The following BHLHA15 variants were observed in gnomAD, a reference collection of about 807,000 sequenced individuals.
The protein encoded by BHLHA15 is basic helix-loop-helix family member a15.
A neutral mutation model predicts 10.4 loss-of-function variants in BHLHA15; 7 were observed. That is an observed-to-expected ratio of 0.67 (90% CI 0.38 to 1.26). The LOEUF (loss-of-function observed/expected upper bound fraction) is 1.26. Among genes scored for constraint, BHLHA15 ranks in the 50% most tolerant of loss-of-function variants. The probability of loss-of-function intolerance (pLI) is 0.02; values close to 1 mark genes in which losing one functional copy is unlikely to be tolerated. For missense variants in BHLHA15, 289 were observed against 287.4 expected (o/e 1.01, Z -0.04); for synonymous variants, 140 against 131.5 (o/e 1.06, Z -0.44).
rs991846037 is a variant in BHLHA15, at chr7:98,213,002, G to C, written c.*123G>C. ...CACCCCACAAGGACACGGCCTCAGC[G>C]GTTCCATTTTCCCCCGAACATTCAG... On this transcript the variant is annotated 3_prime_UTR_variant, in exon 2 of 2. Coordinates refer to ENST00000609256, the MANE Select transcript of BHLHA15 (RefSeq NM_177455.4). 1 of 932,424 alleles carries C rather than the reference G, an allele frequency of 1.1e-6. No individual in the cohort carries two copies. Among genetic ancestry groups the C allele is most frequent in the African/African-American group, 1.7e-5 (1 of 58,922 alleles). 57.8% of individuals were successfully genotyped at this position (932,424 alleles called of 1,614,324 possible). A position where few individuals can be genotyped will look rare whatever the true frequency, so the allele number is the denominator to read the frequency against.
chr7:98,212,941 A>G lies in BHLHA15; in HGVS notation c.*62A>G. 1.4e-6 allele frequency: 2 copies of G among 1,440,864 alleles called. No individual in the cohort carries two copies. 89.3% of individuals were successfully genotyped at this position (1,440,864 alleles called of 1,614,324 possible). ...TGCCTGGCCTGCTCCTCCCAGCCCC[A>G]GTCCCTCCAAGCCACGAGCCCCAGA... On this transcript the variant is annotated 3_prime_UTR_variant, in exon 2 of 2. Transcript: ENST00000609256.
rs746181529 is a variant in BHLHA15, at chr7:98,212,341, G to A, written c.32G>A (p.Arg11Gln). The stretch of plus-strand genomic sequence containing the variant: ...ACCAAGAACCGGCCCCCACGGCGCC[G>A]GGCCCCGGTGCAGGACACAGAGGCC... Reference protein sequence around the residue: MKTKNRPPRRRAPVQDTEATP... With the variant: MKTKNRPPRRQAPVQDTEATP... Residue 11 changes from arginine (R) to glutamine (Q), a missense_variant, in exon 2 of 2, where the codon CGG becomes CAG. Transcript: ENST00000609256. The A allele has an allele frequency of 7.1e-5, 98 of 1,380,766 alleles. No homozygotes were observed. The highest frequency in any genetic ancestry group is 8.2e-5 in the Non-Finnish European group (87 of 1,066,318). 85.5% of individuals were successfully genotyped at this position (1,380,766 alleles called of 1,614,324 possible). A position where few individuals can be genotyped will look rare whatever the true frequency, so the allele number is the denominator to read the frequency against.
rs759823502 is a variant in BHLHA15, at chr7:98,212,653, A to G, written c.344A>G (p.Glu115Gly). 6.3e-7 allele frequency: 1 copy of G among 1,597,500 alleles called. No homozygotes were observed. Among genetic ancestry groups the G allele is most frequent in the Non-Finnish European group, 8.5e-7 (1 of 1,173,398 alleles). Reference protein sequence around the residue: ...VRADKKLSKIETLTLAKNYIK... With the variant: ...VRADKKLSKIGTLTLAKNYIK... The stretch of plus-strand genomic sequence containing the variant: ...GCGGACAAGAAGCTCTCCAAGATCG[A>G]GACGCTCACGCTGGCCAAGAACTAC... Residue 115 changes from glutamate to glycine, a missense_variant, in exon 2 of 2, where the codon GAG becomes GGG. Physicochemically the swap from Glu to Gly is moderately conservative, Grantham distance 98. Coordinates refer to ENST00000609256, the MANE Select transcript of BHLHA15 (RefSeq NM_177455.4).
Position 98,212,768 on chromosome 7 carries a change from CCAGCAGCAG to C in BHLHA15, c.466_474del (p.Gln156_Gln158del). 6.4e-7 allele frequency: 1 copy of C among 1,550,536 alleles called. No individual in the cohort carries two copies. Among genetic ancestry groups the C allele is most frequent in the Non-Finnish European group, 8.7e-7 (1 of 1,148,494 alleles). On this transcript the variant is annotated inframe_deletion, in exon 2 of 2. Transcript: ENST00000609256. ...CGGGCCCCAAGCTCTACCAGCACTA[CCAGCAGCAG>C]CAGCAGGTGGCTGGGGGTGCGTTGG...
At position 98,212,664 on chromosome 7, in the gene BHLHA15, C is replaced by G; in HGVS notation, c.355C>G (p.Leu119Val). 1.9e-6 allele frequency: 3 copies of G among 1,590,036 alleles called. No homozygotes were observed. Among genetic ancestry groups the G allele is most frequent in the Non-Finnish European group, 2.6e-6 (3 of 1,169,644 alleles). Residue 119 changes from leucine to valine, a missense_variant, in exon 2 of 2, where the codon CTG becomes GTG. By Grantham distance (32) the Leu-to-Val change is conservative (BLOSUM62 1). Coordinates refer to ENST00000609256, the MANE Select transcript of BHLHA15 (RefSeq NM_177455.4). Reference sequence around the variant, plus strand: ...GCTCTCCAAGATCGAGACGCTCACGCTGGCCAAGAACTACATCAAATCGCT... The same window carrying G: ...GCTCTCCAAGATCGAGACGCTCACGGTGGCCAAGAACTACATCAAATCGCT... ...KKLSKIETLT[L>V]AKNYIKSLTA...
In BHLHA15 at chr7:98,212,452, C is replaced by T; in HGVS notation, c.143C>T (p.Ala48Val). 6.5e-7 allele frequency: 1 copy of T among 1,535,856 alleles called. No individual in the cohort carries two copies. The highest frequency in any genetic ancestry group is 8.8e-7 in the Non-Finnish European group (1 of 1,140,974). Reference protein sequence around the residue: ...AKGLRSRPARAAARAPGEGRR... With the variant: ...AKGLRSRPARVAARAPGEGRR... ...GGTCTGCGGAGCCGGCCGGCCCGGG[C>T]CGCAGCAAGGGCTCCGGGCGAGGGC... is the stretch of plus-strand genomic sequence containing the variant. The change falls in exon 2 of 2, where the codon GCC becomes GTC. Residue 48 changes from alanine (A) to valine (V), a missense_variant. Transcript: ENST00000609256.
chr7:98,212,621 C>G lies in BHLHA15; in HGVS notation c.312C>G (p.His104Gln). ...AGGCCCTGCGTGAAGTCATCCCCCACGTGCGCGCGGACAAGAAGCTCTCCA... is the reference window on the plus strand; with the variant it reads ...AGGCCCTGCGTGAAGTCATCCCCCAGGTGCGCGCGGACAAGAAGCTCTCCA... Reference protein sequence around the residue: ...AFQALREVIPHVRADKKLSKI... With the variant: ...AFQALREVIPQVRADKKLSKI... The change falls in exon 2 of 2, where the codon CAC becomes CAG. Residue 104 changes from histidine (H) to glutamine (Q), a missense_variant. Coordinates refer to ENST00000609256, the MANE Select transcript of BHLHA15 (RefSeq NM_177455.4). 1.2e-6 allele frequency: 2 copies of G among 1,606,754 alleles called. No homozygotes were observed. Among genetic ancestry groups the G allele is most frequent in the Non-Finnish European group, 1.7e-6 (2 of 1,177,672 alleles).
In BHLHA15 at chr7:98,214,471, G is replaced by A. The variant is rs1797955428; in HGVS notation, c.*1592G>A. On this transcript the variant is annotated 3_prime_UTR_variant, in exon 2 of 2. Coordinates refer to ENST00000609256, the MANE Select transcript of BHLHA15 (RefSeq NM_177455.4). ...TCAGGGTGATCCACAACTGTGAGCT[G>A]AGGTTGGATGCAGCTGGGAGCTTGG... Among the ~76,000 whole-genome samples the A allele has an allele frequency of 6.6e-6, 1 of 152,190 alleles. No individual in the cohort carries two copies. Among genetic ancestry groups the A allele is most frequent in the South Asian group, 2.1e-4 (1 of 4,834 alleles).
chr7:98,212,359 C>G lies in BHLHA15; in HGVS notation c.50C>G (p.Thr17Arg). The G allele has an allele frequency of 1.4e-6, 2 of 1,420,976 alleles. No individual in the cohort carries two copies. The highest frequency in any genetic ancestry group is 1.5e-5 in the African/African-American group (1 of 66,176). The allele number at this position is 1,420,976 out of a possible 1,614,324, so 88.0% of individuals were successfully genotyped here. Reference sequence around the variant, plus strand: ...CGGCGCCGGGCCCCGGTGCAGGACACAGAGGCCACCCCCGGGGAGGGGACG... The same window carrying G: ...CGGCGCCGGGCCCCGGTGCAGGACAGAGAGGCCACCCCCGGGGAGGGGACG... ...PPRRRAPVQD[T>R]EATPGEGTPD... The change falls in exon 2 of 2, where the codon ACA becomes AGA. Residue 17 changes from threonine to arginine, a missense_variant. Coordinates refer to ENST00000609256, the MANE Select transcript of BHLHA15 (RefSeq NM_177455.4).
chr7:98,212,767 A>C lies in BHLHA15; in HGVS notation c.458A>C (p.Tyr153Ser). ...CCGGGCCCCAAGCTCTACCAGCACT[A>C]CCAGCAGCAGCAGCAGGTGGCTGGG... ...EGPGPKLYQH[Y>S]QQQQQVAGGA... The change falls in exon 2 of 2, where the codon TAC becomes TCC. Residue 153 changes from tyrosine (Y) to serine (S), a missense_variant. Coordinates refer to ENST00000609256, the MANE Select transcript of BHLHA15 (RefSeq NM_177455.4). The C allele has an allele frequency of 6.4e-7, 1 of 1,551,406 alleles. No individual in the cohort carries two copies. Among genetic ancestry groups the C allele is most frequent in the Non-Finnish European group, 8.7e-7 (1 of 1,148,862 alleles).
rs747529942 is a variant in BHLHA15 at position 98,212,368 on chromosome 7, C to A, written c.59C>A (p.Thr20Asn). ...GCCCCGGTGCAGGACACAGAGGCCA[C>A]CCCCGGGGAGGGGACGCCCGACGGG... ...RRAPVQDTEA[T>N]PGEGTPDGSL... The change falls in exon 2 of 2, where the codon ACC becomes AAC. Residue 20 changes from threonine to asparagine, a missense_variant. Thr to Asn is a moderately conservative substitution (Grantham distance 65). Coordinates refer to ENST00000609256, the MANE Select transcript of BHLHA15 (RefSeq NM_177455.4). 13 of 1,430,034 alleles carry A rather than the reference C, an allele frequency of 9.1e-6. No homozygotes were observed. In the South Asian group the frequency reaches 1.2e-4, roughly 13 times the overall value. 88.6% of individuals were successfully genotyped at this position (1,430,034 alleles called of 1,614,324 possible).
chr7:98,211,809 G>T (rs541635085), intron 1 of BHLHA15, among the ~76,000 whole-genome samples: 61 of 152,296 alleles, frequency 4.0e-4, no homozygotes, highest in Admixed American at 3.3e-3. Flanking sequence ...AGCGGGGCAG[G>T]ACAGTGAGAG....
Position 98,213,139 on chromosome 7 carries a change from T to C in BHLHA15, c.*260T>C, listed in dbSNP as rs1797935689. Among the ~76,000 whole-genome samples, 1 of 152,206 alleles carries C rather than the reference T, an allele frequency of 6.6e-6. No homozygotes were observed. The highest frequency in any genetic ancestry group is 2.4e-5 in the African/African-American group (1 of 41,462). ...CCCAAACCTCTAGGTAGGGCCCAGT[T>C]GGATCCTGATTTTTCATTGAGCCAG... On this transcript the variant is annotated 3_prime_UTR_variant, in exon 2 of 2. Coordinates refer to ENST00000609256, the MANE Select transcript of BHLHA15 (RefSeq NM_177455.4).
Position 98,212,721 on chromosome 7 carries a change from C to G in BHLHA15, c.412C>G (p.Arg138Gly), listed in dbSNP as rs1336032129. The change falls in exon 2 of 2, where the codon CGC becomes GGC. Residue 138 changes from arginine to glycine, a missense_variant. Physicochemically the swap from Arg to Gly is moderately radical, Grantham distance 125 (BLOSUM62 -2). Coordinates refer to ENST00000609256, the MANE Select transcript of BHLHA15 (RefSeq NM_177455.4). ...TATILTMSSS[R>G]LPGLEGPGPK... ...CACCATCCTGACCATGTCCAGCAGC[C>G]GCCTCCCAGGCCTGGAGGGGCCGGG... 2 of 1,561,506 alleles carry G rather than the reference C, an allele frequency of 1.3e-6. No homozygotes were observed. The highest frequency in any genetic ancestry group is 1.7e-6 in the Non-Finnish European group (2 of 1,153,346).
rs1797968517 is a variant in BHLHA15 at position 98,214,979 on chromosome 7, CGAG to C, written c.*2107_*2109del. 6.6e-6 allele frequency: 1 copy of C among 152,418 alleles called. No individual in the cohort carries two copies. The highest frequency in any genetic ancestry group is 2.1e-4 in the South Asian group (1 of 4,834). The allele number at this position is 152,418 out of a possible 1,614,324, so 9.4% of individuals were successfully genotyped here. ...TCTCGCTTCAGGGTGTCCAGTGTTT[CGAG>C]GAGGAGAGGGGACAGGGGCCAGGTC... On this transcript the variant is annotated 3_prime_UTR_variant, in exon 2 of 2. Coordinates refer to ENST00000609256, the MANE Select transcript of BHLHA15 (RefSeq NM_177455.4).
chr7:98,214,390 C>T lies in BHLHA15; in HGVS notation c.*1511C>T, dbSNP rs117889288. The stretch of plus-strand genomic sequence containing the variant: ...GCCCCAGCTGTCCTTCAGCACAGCT[C>T]GGGGTGGGGACTCCAGGATGCTGGG... On this transcript the variant is annotated 3_prime_UTR_variant, in exon 2 of 2. Coordinates refer to ENST00000609256, the MANE Select transcript of BHLHA15 (RefSeq NM_177455.4). Among the ~76,000 whole-genome samples, 559 of 152,344 alleles carry T rather than the reference C, an allele frequency of 3.7e-3. 3 individuals are homozygous for T. The highest frequency in any genetic ancestry group is 6.5e-3 in the Non-Finnish European group (444 of 68,032).
At position 98,212,222 on chromosome 7, in the gene BHLHA15, G is replaced by A. The variant is rs1260454169; in HGVS notation, c.-54-34G>A. On this transcript the variant is annotated intron_variant, in intron 1 of 1. Transcript: ENST00000609256. Reference sequence around the variant, plus strand: ...CCAGCGGGTCCCCTGCCCATGTGGGGTGACCACAGAGTGTCCTGTGTTCTG... The same window carrying A: ...CCAGCGGGTCCCCTGCCCATGTGGGATGACCACAGAGTGTCCTGTGTTCTG... 4.9e-6 allele frequency: 6 copies of A among 1,234,190 alleles called. No homozygotes were observed. In the Admixed American group the frequency reaches 1.3e-4, roughly 26 times the overall value. 76.5% of individuals were successfully genotyped at this position (1,234,190 alleles called of 1,614,324 possible).
Position 98,215,336 on chromosome 7 carries a change from G to A in BHLHA15, c.*2457G>A, listed in dbSNP as rs1479922670. On this transcript the variant is annotated 3_prime_UTR_variant, in exon 2 of 2. Coordinates refer to ENST00000609256, the MANE Select transcript of BHLHA15 (RefSeq NM_177455.4). ...CCCCCACTGTAATTGTGCTGAAAAT[G>A]TTTCTCAAATGACCCAAATTGGCTC... The A allele has an allele frequency of 2.1e-4, 32 of 152,368 alleles. No homozygotes were observed. Among genetic ancestry groups the A allele is most frequent in the Admixed American group, 2.1e-3 (32 of 15,308 alleles). 9.4% of individuals were successfully genotyped at this position (152,368 alleles called of 1,614,324 possible).
In BHLHA15 at chr7:98,212,604, C is replaced by T. The variant is rs753320485; in HGVS notation, c.295C>T (p.Arg99Cys). Residue 99 changes from arginine (R) to cysteine (C), a missense_variant, in exon 2 of 2, where the codon CGT becomes TGT. By Grantham distance (180) the Arg-to-Cys change is radical. Coordinates refer to ENST00000609256, the MANE Select transcript of BHLHA15 (RefSeq NM_177455.4). ...HKLNNAFQALREVIPHVRADK... is the reference protein window; with the variant it reads ...HKLNNAFQALCEVIPHVRADK... ...GCTAAATAACGCCTTCCAGGCCCTG[C>T]GTGAAGTCATCCCCCACGTGCGCGC... 5.6e-6 allele frequency: 9 copies of T among 1,607,460 alleles called. No individual in the cohort carries two copies. The highest frequency in any genetic ancestry group is 1.1e-5 in the South Asian group (1 of 89,408).
Sources: gnomAD v4.1 joint callset for allele counts (sites outside exome capture counted in the v4.1 genomes callset) on GRCh38, gnomAD v4.1.1 for gene constraint, MANE v1.5 for transcripts, NCBI Gene and HGNC (gene_info 2026-07-23, HGNC 2026-07-21) for gene names.